Variants in AGMO observed in about 807,000 individuals in gnomAD.
AGMO encodes alkylglycerol monooxygenase, also known as glyceryl-ether monooxygenase.
A neutral mutation model predicts 60.2 loss-of-function variants in AGMO; 75 were observed. That is an observed-to-expected ratio of 1.25 (90% CI 1.03 to 1.51). The LOEUF is 1.51. AGMO is among the 40% of genes most tolerant of loss of function. The pLI is 0.00. For missense variants in AGMO, 763 were observed against 525.5 expected (o/e 1.45, Z -4.42); for synonymous variants, 261 against 177.1 (o/e 1.47, Z -3.76).
chr7:15,196,669 T>C (rs1781124310), downstream of AGMO, among the ~76,000 whole-genome samples: 1 of 152,200 alleles, frequency 6.6e-6, no homozygotes, highest in East Asian at 1.9e-4. Flanking sequence ...CATTTCCGTT[T>C]CTAAAAAGAT....
intron 12 of AGMO, among the ~76,000 whole-genome samples, chr7:15,263,968 T>C (rs2128510563): frequency 6.6e-6 from 1 of 152,196 alleles, no homozygotes; most frequent in South Asian, 2.1e-4. Flanking sequence ...CAGAGTACAC[T>C]GCTTGGTTGA....
chr7:15,556,981 A>G (rs1158998531), intron 2 of AGMO, among the ~76,000 whole-genome samples: 1 of 152,048 alleles, frequency 6.6e-6, no homozygotes, highest in African/African-American at 2.4e-5. Context: ...TGGTCTGTCC[A>G]ACAGGCTTGT....
chr7:15,312,861 G>T (rs550910505), intron 12 of AGMO, among the ~76,000 whole-genome samples: 2 of 152,004 alleles, frequency 1.3e-5, no homozygotes, highest in Admixed American at 1.3e-4. Flanking sequence ...TAAAGACAGG[G>T]TTTTGCCATG....
chr7:15,303,846 C>T (rs1278931663), intron 12 of AGMO, among the ~76,000 whole-genome samples: 1 of 152,146 alleles, frequency 6.6e-6, no homozygotes, highest in African/African-American at 2.4e-5. Context: ...AGCACATACA[C>T]ATATATTCTT....
chr7:15,121,036 T>C, the AGMO span, among the ~76,000 whole-genome samples: 1 of 152,086 alleles, frequency 6.6e-6, no homozygotes, highest in Non-Finnish European at 1.5e-5. Context: ...TGTGTTCTCA[T>C]TGTTCAGTTC....
intron 3 of AGMO, among the ~76,000 whole-genome samples, chr7:15,450,091 C>T (rs1217180653): frequency 2.0e-5 from 3 of 152,144 alleles, no homozygotes; most frequent in Non-Finnish European, 2.9e-5. Flanking sequence ...TAAAGTATTA[C>T]AAATGTAATT....
chr7:15,408,809 T>C (rs1358141977), intron 5 of AGMO, among the ~76,000 whole-genome samples: 1 of 151,818 alleles, frequency 6.6e-6, no homozygotes, highest in African/African-American at 2.4e-5. Flanking sequence ...TGTGTGATAA[T>C]TAAATAAGTA....
chr7:15,501,422 G>A (rs759498860), intron 3 of AGMO, among the ~76,000 whole-genome samples: 9 of 151,834 alleles, frequency 5.9e-5, no homozygotes, highest in Non-Finnish European at 1.3e-4. Context: ...CTGATAATGA[G>A]GACCTTGGGA....
At chr7:15,277,589 G>A (rs1165026212) in intron 12 of AGMO, among the ~76,000 whole-genome samples, 1 of 152,008 alleles carries the variant, frequency 6.6e-6, no homozygotes, top group Non-Finnish European at 1.5e-5. Context: ...AATAAAGCAT[G>A]TTGGATAGGA....
At chr7:15,182,921 A>C in the AGMO span, among the ~76,000 whole-genome samples, 502 of 152,208 alleles carry the variant, frequency 3.3e-3, 1 homozygote, top group African/African-American at 0.011. Flanking sequence ...CAGGAGGAAG[A>C]GAGAGAGTGG....
intron 2 of AGMO, among the ~76,000 whole-genome samples, chr7:15,553,855 C>G (rs892976999): frequency 6.6e-6 from 1 of 152,060 alleles, no homozygotes; most frequent in African/African-American, 2.4e-5. Context: ...ACAAATCGAG[C>G]TGAAATATGC....
chr7:15,538,898 T>C (rs935952499), intron 3 of AGMO, among the ~76,000 whole-genome samples: 1 of 152,120 alleles, frequency 6.6e-6, no homozygotes, highest in Non-Finnish European at 1.5e-5. Flanking sequence ...CACTACCTTG[T>C]TTACATACAG....
chr7:15,385,682 A>G (rs1783883857), intron 9 of AGMO, 120 bp from the exon 10 acceptor site: 8 of 676,098 alleles, frequency 1.2e-5, no homozygotes, highest in Admixed American at 2.7e-5. Context: ...GACAAACATA[A>G]TTTTTAAAAA....
At chr7:15,181,210 G>C in the AGMO span, among the ~76,000 whole-genome samples, 2 of 152,182 alleles carry the variant, frequency 1.3e-5, no homozygotes, top group Non-Finnish European at 2.9e-5. Context: ...GTTCATTAGA[G>C]AAGAATTCTC....
intron 10 of AGMO, among the ~76,000 whole-genome samples, chr7:15,376,416 G>A (rs764534675): frequency 1.9e-4 from 29 of 151,822 alleles, no homozygotes; most frequent in East Asian, 3.9e-4. Flanking sequence ...ATTAAAAAAC[G>A]CCAACATGAA....
chr7:15,227,616 C>G (rs1002414141), intron 12 of AGMO, among the ~76,000 whole-genome samples: 1 of 151,822 alleles, frequency 6.6e-6, no homozygotes, highest in African/African-American at 2.4e-5. Flanking sequence ...GGAGTCTGCA[C>G]AAAATAAGGA....
At chr7:15,322,402 T>C (rs987061437) in intron 12 of AGMO, among the ~76,000 whole-genome samples, 3 of 136,918 alleles carry the variant, frequency 2.2e-5, no homozygotes, top group African/African-American at 8.1e-5. Context: ...CAAAACTGAG[T>C]AGTTCATATA....
chr7:15,315,682 T>C (rs1370540681), intron 12 of AGMO, among the ~76,000 whole-genome samples: 2 of 152,074 alleles, frequency 1.3e-5, no homozygotes, highest in Non-Finnish European at 2.9e-5. Flanking sequence ...AAGTTCTAGT[T>C]CTAAAATTAA....
At position 15,265,117 on chromosome 7, in the gene AGMO, A is replaced by G. The variant is rs376289431; in HGVS notation, c.1264-63758T>C. On this transcript the variant is annotated intron_variant, in intron 12 of 12. Transcript: ENST00000342526. ...TATGCAACTATTAAAAAAGAATGAA[A>G]TCATGTCTTTTCAAATAAGATGGAT... Among the ~76,000 whole-genome samples the G allele has an allele frequency of 3.9e-5, 6 of 152,278 alleles. No homozygotes were observed. In the East Asian group the frequency reaches 9.6e-4, roughly 24 times the overall value.
Sources: allele counts gnomAD v4.1 joint callset (sites outside exome capture counted in the v4.1 genomes callset), GRCh38; gene constraint gnomAD v4.1.1; transcripts MANE v1.5; gene names NCBI Gene and HGNC (gene_info 2026-07-23, HGNC 2026-07-21).